Variants in ACTR8 observed in about 807,000 individuals in gnomAD.
ACTR8 encodes actin-related protein 8.
A neutral mutation model predicts 84.3 loss-of-function variants in ACTR8; 70 were observed. The ratio of observed to expected loss-of-function variants is 0.83; its 90% CI spans 0.68 to 1.01. The LOEUF (loss-of-function observed/expected upper bound fraction) is 1.01, where lower values mean the gene tolerates loss of function less well. Ranked by LOEUF, ACTR8 falls within the 50% of genes least tolerant of loss-of-function variation. The probability of loss-of-function intolerance (pLI) is 0.00; values close to 1 mark genes in which losing one functional copy is unlikely to be tolerated. For synonymous variants in ACTR8, 268 were observed against 275.2 expected (o/e 0.97, Z 0.26); for missense variants, 672 against 775.4 (o/e 0.87, Z 1.58).
In ACTR8 at chr3:53,876,727, C is replaced by G. The variant is rs1699979477; in HGVS notation, c.685-14G>C. 1 of 1,404,858 alleles carries G rather than the reference C, an allele frequency of 7.1e-7. No individual in the cohort carries two copies. The highest frequency in any genetic ancestry group is 1.5e-5 in the African/African-American group (1 of 68,594). The allele number at this position is 1,404,858 out of a possible 1,614,324, so 87.0% of individuals were successfully genotyped here. A position where few individuals can be genotyped will look rare whatever the true frequency, so the allele number is the denominator to read the frequency against. On this transcript the variant is annotated splice_polypyrimidine_tract_variant and intron_variant, in intron 5 of 12. Coordinates refer to ENST00000335754, the MANE Select transcript of ACTR8 (RefSeq NM_022899.5). The stretch of plus-strand genomic sequence containing the variant: ...ACATCTATAATACTAAAAAGAAGAA[C>G]AAAGATAAAAGGGTTAGCACTCAAG...
downstream of ACTR8, among the ~76,000 whole-genome samples, chr3:53,866,078 G>GAGTT: frequency 6.6e-6 from 1 of 152,336 alleles, no homozygotes; most frequent in African/African-American, 2.4e-5. Flanking sequence ...TTTTATAAAT[G>GAGTT]AGTTATTATA....
chr3:53,864,321 G>A (rs969409169), downstream of ACTR8, among the ~76,000 whole-genome samples: 1 of 152,186 alleles, frequency 6.6e-6, no homozygotes, highest in Non-Finnish European at 1.5e-5. Context: ...CGGAACACGA[G>A]GTCAGGAGAT....
In ACTR8 at chr3:53,882,043, T is replaced by C; in HGVS notation, c.59A>G (p.Glu20Gly). Reference sequence around the variant, plus strand: ...CCGCTTCACGCCGCGCTGCTCCTTCTCCTTCTCGCCGCCCTTCTCCTTTCC... The same window carrying C: ...CCGCTTCACGCCGCGCTGCTCCTTCCCCTTCTCGCCGCCCTTCTCCTTTCC... ...ENGKEKGGEK[E>G]KEQRGVKRPI... The change falls in exon 1 of 13, where the codon GAG (glutamate) becomes GGG (glycine). Residue 20 changes from glutamate to glycine, a missense_variant. Glu to Gly is a moderately conservative substitution (Grantham distance 98, BLOSUM62 -2). Coordinates refer to ENST00000335754, the MANE Select transcript of ACTR8 (RefSeq NM_022899.5). The C allele has an allele frequency of 6.4e-7, 1 of 1,551,706 alleles. No homozygotes were observed. The highest frequency in any genetic ancestry group is 8.7e-7 in the Non-Finnish European group (1 of 1,146,888).
At chr3:53,865,151 T>G (rs2232350), downstream of ACTR8, 1 of 1,614,144 alleles carries the variant, frequency 6.2e-7, no homozygotes, top group Non-Finnish European at 8.5e-7. Context: ...TTTAGAGAGA[T>G]TGATACAAAA....
chr3:53,859,922 ATT>A, the ACTR8 span: 1 of 458,006 alleles, frequency 2.2e-6, no homozygotes, highest in Non-Finnish European at 3.9e-6. Flanking sequence ...CTGAGGCAGC[ATT>A]GCTTGAACCC....
At position 53,867,430 on chromosome 3, in the gene ACTR8, G is replaced by C. The variant is rs931341089; in HGVS notation, c.*1289C>G. 3 of 152,236 alleles carry C rather than the reference G, an allele frequency of 2.0e-5. No homozygotes were observed. The highest frequency in any genetic ancestry group is 7.2e-5 in the African/African-American group (3 of 41,534). The allele number at this position is 152,236 out of a possible 1,614,324, so 9.4% of individuals were successfully genotyped here. A position where few individuals can be genotyped will look rare whatever the true frequency, so the allele number is the denominator to read the frequency against. The stretch of plus-strand genomic sequence containing the variant: ...CAAGTTTAAATTGTTTCTAATACTG[G>C]TGGACTCTTCATTTGTAACCTACTG... On this transcript the variant is annotated 3_prime_UTR_variant, in exon 13 of 13. Transcript: ENST00000335754.
intron 1 of ACTR8, among the ~76,000 whole-genome samples, chr3:53,881,284 T>C (rs748382497): frequency 6.6e-5 from 10 of 152,238 alleles, no homozygotes; most frequent in Non-Finnish European, 1.3e-4. Context: ...CTGTGAATTG[T>C]ACACTGCCTG....
At position 53,872,588 on chromosome 3, in the gene ACTR8, A is replaced by G. The variant is rs1207520167; in HGVS notation, c.1162-64T>C. Reference sequence around the variant, plus strand: ...GCATCCTGAAAAAAACTGATCCACTAAATTCTGTTCTTCTAAAAACAAAAC... The same window carrying G: ...GCATCCTGAAAAAAACTGATCCACTGAATTCTGTTCTTCTAAAAACAAAAC... On this transcript the variant is annotated intron_variant, in intron 9 of 12. Coordinates refer to ENST00000335754, the MANE Select transcript of ACTR8 (RefSeq NM_022899.5). 53 of 1,490,084 alleles carry G rather than the reference A, an allele frequency of 3.6e-5. 2 individuals are homozygous for G. In the South Asian group the frequency reaches 7.2e-4, roughly 20 times the overall value. The allele number at this position is 1,490,084 out of a possible 1,614,324, so 92.3% of individuals were successfully genotyped here.
downstream of ACTR8, among the ~76,000 whole-genome samples, chr3:53,866,352 C>T (rs533726458): frequency 5.3e-5 from 7 of 131,756 alleles, no homozygotes; most frequent in South Asian, 1.5e-3. Flanking sequence ...CCACTGCACT[C>T]CATCCTGGGT....
Position 53,882,015 on chromosome 3 carries a change from G to A in ACTR8, c.87C>T (p.Pro29=), listed in dbSNP as rs1337338427. 2 of 1,552,064 alleles carry A rather than the reference G, an allele frequency of 1.3e-6. No homozygotes were observed. The highest frequency in any genetic ancestry group is 2.0e-5 in the Admixed American group (1 of 51,106). Residue 29 remains proline (P), a synonymous_variant, in exon 1 of 13, where the codon CCC becomes CCT. Coordinates refer to ENST00000335754, the MANE Select transcript of ACTR8 (RefSeq NM_022899.5). The part of the protein sequence containing the change: ...KEKEQRGVKR[P]IVPALVPESL... ...ACTCCGGCACCAGCGCGGGCACGAT[G>A]GGCCGCTTCACGCCGCGCTGCTCCT...
chr3:53,861,269 C>T, the ACTR8 span: 2 of 151,530 alleles, frequency 1.3e-5, no homozygotes, highest in Admixed American at 1.3e-4. Flanking sequence ...TCCCAAGAAG[C>T]AGTGTCATGA....
rs560149594 is a variant in ACTR8, at chr3:53,880,019, G to A, written c.214C>T (p.Pro72Ser). Reference protein sequence around the residue: ...RATDTLPASIPHVIARRHKQQ... With the variant: ...RATDTLPASISHVIARRHKQQ... ...TTGTGTCTTCGGGCAATGACGTGAGGAATGCTGGCAGGAAGAGTGTCTGTG... is the reference window on the plus strand; with the variant it reads ...TTGTGTCTTCGGGCAATGACGTGAGAAATGCTGGCAGGAAGAGTGTCTGTG... The change falls in exon 2 of 13, where the codon CCT becomes TCT. Residue 72 changes from proline (P) to serine (S), a missense_variant. By Grantham distance (74) the Pro-to-Ser change is moderately conservative. Transcript: ENST00000335754. 6.2e-7 allele frequency: 1 copy of A among 1,614,072 alleles called. No individual in the cohort carries two copies. The highest frequency in any genetic ancestry group is 1.3e-5 in the African/African-American group (1 of 74,924).
intron 1 of ACTR8, chr3:53,881,586 C>A: frequency 3.3e-6 from 1 of 301,654 alleles, no homozygotes; most frequent in South Asian, 3.1e-5. Flanking sequence ...GGCTGACGCT[C>A]CCAGTGAGCC....
downstream of ACTR8, among the ~76,000 whole-genome samples, chr3:53,863,027 A>C (rs1699623517): frequency 6.6e-6 from 1 of 152,186 alleles, no homozygotes. Context: ...GACAAGAATA[A>C]AGACCTTTCT....
At chr3:53,865,843 T>C (rs893951520), downstream of ACTR8, 1 of 152,466 alleles carries the variant, frequency 6.6e-6, no homozygotes, top group South Asian at 2.1e-4. Flanking sequence ...CTTGTATGAT[T>C]TGGTATTTGC....
In ACTR8 at chr3:53,877,685, T is replaced by C; in HGVS notation, c.472A>G (p.Asn158Asp). ...LDHCSGNKWT[N>D]TSHHPEYLVG... is the part of the protein sequence containing the mutation. The stretch of plus-strand genomic sequence containing the variant: ...AAATACTCAGGGTGATGAGATGTGT[T>C]TGTCCACTTATTTCCCGAACAGTGA... The change falls in exon 4 of 13, where the codon AAC becomes GAC. Residue 158 changes from asparagine (N) to aspartate (D), a missense_variant. Transcript: ENST00000335754. 1.2e-6 allele frequency: 2 copies of C among 1,614,172 alleles called. No homozygotes were observed. Among genetic ancestry groups the C allele is most frequent in the Non-Finnish European group, 1.7e-6 (2 of 1,180,004 alleles).
Position 53,873,142 on chromosome 3 carries a change from A to T in ACTR8, c.1066-15T>A, listed in dbSNP as rs573721452. 1.4e-5 allele frequency: 22 copies of T among 1,587,532 alleles called. No individual in the cohort carries two copies. In the South Asian group the frequency reaches 2.4e-4, roughly 17 times the overall value. Reference sequence around the variant, plus strand: ...CCAGAGATGTCCTGATTCCAGGAAAAGATGCTGTCAGTGAATCAGTAAGAA... The same window carrying T: ...CCAGAGATGTCCTGATTCCAGGAAATGATGCTGTCAGTGAATCAGTAAGAA... On this transcript the variant is annotated splice_polypyrimidine_tract_variant and intron_variant, in intron 8 of 12. Coordinates refer to ENST00000335754, the MANE Select transcript of ACTR8 (RefSeq NM_022899.5).
At position 53,867,850 on chromosome 3, in the gene ACTR8, C is replaced by T. The variant is rs138362519; in HGVS notation, c.*869G>A. 52 of 152,306 alleles carry T rather than the reference C, an allele frequency of 3.4e-4. No homozygotes were observed. Among genetic ancestry groups the T allele is most frequent in the African/African-American group, 1.2e-3 (48 of 41,566 alleles). 9.4% of individuals were successfully genotyped at this position (152,306 alleles called of 1,614,324 possible). A position where few individuals can be genotyped will look rare whatever the true frequency, so the allele number is the denominator to read the frequency against. ...AACTGATCATACTGAACATCATGAACTCCAAAAGCTTTCACTTAATCCTTC... is the reference window on the plus strand; with the variant it reads ...AACTGATCATACTGAACATCATGAATTCCAAAAGCTTTCACTTAATCCTTC... On this transcript the variant is annotated 3_prime_UTR_variant, in exon 13 of 13. Transcript: ENST00000335754.
the ACTR8 span, among the ~76,000 whole-genome samples, chr3:53,861,845 A>G: frequency 1.3e-5 from 2 of 152,140 alleles, no homozygotes; most frequent in South Asian, 2.1e-4. Flanking sequence ...CTCTTCTGGG[A>G]AAAAAATGCT....
Sources: allele counts gnomAD v4.1 joint callset (sites outside exome capture counted in the v4.1 genomes callset), GRCh38; gene constraint gnomAD v4.1.1; transcripts MANE v1.5; gene names NCBI Gene and HGNC (gene_info 2026-07-23, HGNC 2026-07-21).